PPM1H: variants seen among roughly 807,000 people sequenced by gnomAD.
PPM1H encodes the protein protein phosphatase, Mg2+/Mn2+ dependent 1H.
Under a neutral mutation model 54.9 loss-of-function variants are expected in PPM1H, and 27 were observed. That is an observed-to-expected ratio of 0.49 (90% CI 0.36 to 0.68). The LOEUF is 0.68. Ranked by LOEUF, PPM1H falls within the 30% of genes least tolerant of loss-of-function variation. PPM1H has a pLI of 0.00. For synonymous variants in PPM1H, 305 were observed against 270.8 expected, an observed-to-expected ratio of 1.13 and a Z score of -1.24; for missense variants, 596 against 667.8, an observed-to-expected ratio of 0.89 and a Z score of 1.19.
At chr12:62,761,087 G>C (rs891392501) in intron 4 of PPM1H, among the ~76,000 whole-genome samples, 2 of 152,084 alleles carry the variant, frequency 1.3e-5, no homozygotes, top group Admixed American at 6.5e-5. Flanking sequence ...ACAGCAGCAA[G>C]AGATAACAAA....
chr12:62,762,305 G>A (rs577734822), intron 4 of PPM1H, among the ~76,000 whole-genome samples: 14 of 152,298 alleles, frequency 9.2e-5, no homozygotes, highest in Admixed American at 3.3e-4. Context: ...GGCCATGAGC[G>A]TCAGAGGCCT....
chr12:62,712,846 G>A (rs963131587), intron 6 of PPM1H, among the ~76,000 whole-genome samples: 2 of 152,166 alleles, frequency 1.3e-5, no homozygotes, highest in African/African-American at 4.8e-5. Context: ...GCTTTATTAG[G>A]TGGTCCTCAA....
intron 3 of PPM1H, among the ~76,000 whole-genome samples, chr12:62,793,749 A>AAAAAAAAAAAAAAAAAC (rs2076714816): frequency 6.8e-6 from 1 of 146,616 alleles, no homozygotes; most frequent in African/African-American, 2.7e-5. Context: ...TCAAAAAAAA[A>AAAAAAAAAAAAAAAAAC]AAAAAAAAAA....
At position 62,647,267 on chromosome 12, in the gene PPM1H, A is replaced by T. The variant is rs1179495627; in HGVS notation, c.*1222T>A. On this transcript the variant is annotated 3_prime_UTR_variant, in exon 10 of 10. Coordinates refer to ENST00000228705, the MANE Select transcript of PPM1H (RefSeq NM_020700.2). ...TTAGAGAAGAGAAGAGACAGGGAGC[A>T]CAGCATGAGAATGGCCAGTCAACCC... 1 of 152,280 alleles carries T rather than the reference A, an allele frequency of 6.6e-6. No homozygotes were observed. The highest frequency in any genetic ancestry group is 1.5e-5 in the Non-Finnish European group (1 of 68,064). The allele number at this position is 152,280 out of a possible 1,614,324, so 9.4% of individuals were successfully genotyped here. A position where few individuals can be genotyped will look rare whatever the true frequency, so the allele number is the denominator to read the frequency against.
rs1330839688 is a variant in PPM1H, at chr12:62,875,951, A to T, written c.246-43672T>A. Among the ~76,000 whole-genome samples, 4 of 152,206 alleles carry T rather than the reference A, an allele frequency of 2.6e-5. No homozygotes were observed. The East Asian group carries it at 7.7e-4, about 29-fold the overall frequency. On this transcript the variant is annotated intron_variant, in intron 1 of 9. Coordinates refer to ENST00000228705, the MANE Select transcript of PPM1H (RefSeq NM_020700.2). ...TTGGAGAACTGTTCTAATAATGAGC[A>T]TGTCCACAGCATGCTAATGAAGATG... is the stretch of plus-strand genomic sequence containing the variant.
chr12:62,872,803 A>G (rs548601861), intron 1 of PPM1H, among the ~76,000 whole-genome samples: 1 of 152,356 alleles, frequency 6.6e-6, no homozygotes, highest in East Asian at 1.9e-4. Context: ...AAATTATTCA[A>G]CTAAAATGTA....
intron 4 of PPM1H, among the ~76,000 whole-genome samples, chr12:62,781,094 C>A (rs879528724): frequency 6.6e-6 from 1 of 152,142 alleles, no homozygotes; most frequent in Non-Finnish European, 1.5e-5. Flanking sequence ...AAAGTCCGCA[C>A]GGGGGCATGT....
chr12:62,861,575 C>T (rs975175108), intron 1 of PPM1H, among the ~76,000 whole-genome samples: 1 of 152,192 alleles, frequency 6.6e-6, no homozygotes, highest in Non-Finnish European at 1.5e-5. Flanking sequence ...TATTCAAATA[C>T]ATGTCTTATT....
At chr12:62,667,413 C>CT (rs771850240) in intron 8 of PPM1H, 84 bp from the exon 9 acceptor site, 4 of 1,229,998 alleles carry the variant, frequency 3.3e-6, no homozygotes, top group Non-Finnish European at 4.4e-6. Flanking sequence ...TTCCCCTTCC[C>CT]TTTTCCTGCC....
chr12:62,686,590 G>A (rs2076053505), intron 8 of PPM1H, among the ~76,000 whole-genome samples: 1 of 152,188 alleles, frequency 6.6e-6, no homozygotes, highest in African/African-American at 2.4e-5. Context: ...CACGGATCCT[G>A]ATGTTGGGAA....
chr12:62,821,773 G>A (rs1262321167), intron 2 of PPM1H, among the ~76,000 whole-genome samples: 1 of 152,204 alleles, frequency 6.6e-6, no homozygotes, highest in Non-Finnish European at 1.5e-5. Flanking sequence ...ACTAAACATG[G>A]AAAGGAACAA....
chr12:62,922,874 G>A (rs2121171500), intron 1 of PPM1H, among the ~76,000 whole-genome samples: 1 of 152,284 alleles, frequency 6.6e-6, no homozygotes, highest in African/African-American at 2.4e-5. Context: ...ACTCTTCAGG[G>A]AGCATTCCTG....
At chr12:62,881,845 G>C (rs1870407767) in intron 1 of PPM1H, among the ~76,000 whole-genome samples, 1 of 152,030 alleles carries the variant, frequency 6.6e-6, no homozygotes, top group Non-Finnish European at 1.5e-5. Flanking sequence ...CACCTACACT[G>C]GTCTCCCTGC....
chr12:62,722,783 T>C (rs1218597309), intron 5 of PPM1H, among the ~76,000 whole-genome samples: 1 of 152,180 alleles, frequency 6.6e-6, no homozygotes, highest in African/African-American at 2.4e-5. Context: ...TCACTTACAA[T>C]GACACTACAG....
At chr12:62,887,397 G>A (rs1870629256) in intron 1 of PPM1H, among the ~76,000 whole-genome samples, 1 of 152,234 alleles carries the variant, frequency 6.6e-6, no homozygotes, top group South Asian at 2.1e-4. Flanking sequence ...AATCTAGCCA[G>A]CCTAATGACG....
intron 1 of PPM1H, among the ~76,000 whole-genome samples, chr12:62,911,841 C>T (rs1319792450): frequency 6.6e-6 from 1 of 152,216 alleles, no homozygotes. Context: ...AACCAGAACA[C>T]TGGTTGGTTA....
chr12:62,789,130 G>T (rs2076690092), intron 3 of PPM1H, among the ~76,000 whole-genome samples: 1 of 152,092 alleles, frequency 6.6e-6, no homozygotes, highest in African/African-American at 2.4e-5. Context: ...TCCTGCCTTA[G>T]CCTCCTGAGT....
At chr12:62,875,855 C>T (rs1189178759) in intron 1 of PPM1H, among the ~76,000 whole-genome samples, 1 of 152,200 alleles carries the variant, frequency 6.6e-6, no homozygotes, top group Non-Finnish European at 1.5e-5. Context: ...GAGAACTGGG[C>T]ATCACTAAGG....
chr12:62,754,675 C>A (rs2076460381), intron 4 of PPM1H, among the ~76,000 whole-genome samples: 1 of 152,202 alleles, frequency 6.6e-6, no homozygotes, highest in African/African-American at 2.4e-5. Context: ...TAAGTCACCT[C>A]ATTCCCAATG....
Sources: gnomAD v4.1 joint callset for allele counts (sites outside exome capture counted in the v4.1 genomes callset) on GRCh38, gnomAD v4.1.1 for gene constraint, MANE v1.5 for transcripts, NCBI Gene and HGNC (gene_info 2026-07-23, HGNC 2026-07-21) for gene names.